The following PTPRD variants were observed in gnomAD, a reference collection of about 807,000 sequenced individuals.
PTPRD encodes the protein protein tyrosine phosphatase receptor type D, also known as receptor-type tyrosine-protein phosphatase delta.
A neutral mutation model predicts 214.5 loss-of-function variants in PTPRD; 34 were observed. The ratio of observed to expected loss-of-function variants is 0.16; its 90% CI spans 0.12 to 0.21. PTPRD has a LOEUF of 0.21. PTPRD is among the 10% of genes least tolerant of loss of function. The probability of loss-of-function intolerance (pLI) is 1.00; values close to 1 mark genes in which losing one functional copy is unlikely to be tolerated. For missense variants in PTPRD, 2,545 were observed against 2,398.7 expected (o/e 1.06, Z -1.27); for synonymous variants, 1,128 against 845.7 (o/e 1.33, Z -5.79).
intron 8 of PTPRD, among the ~76,000 whole-genome samples, chr9:9,514,213 C>G (rs1031973900): frequency 3.3e-5 from 5 of 152,030 alleles, no homozygotes; most frequent in African/African-American, 1.2e-4. Context: ...AAATTTCCCT[C>G]CTGGTTAGGG....
chr9:9,010,671 G>GGA (rs71308860), intron 11 of PTPRD, among the ~76,000 whole-genome samples: 31,489 of 152,052 alleles, frequency 0.21, 3,592 homozygotes, highest in East Asian at 0.3. Flanking sequence ...GCCAAAGTGT[G>GGA]GAAGTTGCTT....
chr9:8,839,295 G>C (rs9918963), intron 11 of PTPRD, among the ~76,000 whole-genome samples: 41 of 143,252 alleles, frequency 2.9e-4, no homozygotes, highest in Non-Finnish European at 1.0e-4. Flanking sequence ...GATTGACCAA[G>C]GGGATTTTAT....
chr9:9,586,657 C>T (rs114654451), intron 7 of PTPRD, among the ~76,000 whole-genome samples: 1,554 of 152,022 alleles, frequency 0.01, 15 homozygotes, highest in African/African-American at 0.027. Flanking sequence ...ACTCACTTTT[C>T]GCTACCATTT....
chr9:10,354,384 A>G (rs909056753), intron 2 of PTPRD, among the ~76,000 whole-genome samples: 9 of 152,190 alleles, frequency 5.9e-5, no homozygotes, highest in Non-Finnish European at 1.2e-4. Context: ...GACTGTTAAA[A>G]GGCTAAGAGA....
intron 8 of PTPRD, among the ~76,000 whole-genome samples, chr9:9,532,271 G>A (rs930051734): frequency 3.9e-5 from 6 of 151,986 alleles, no homozygotes; most frequent in Non-Finnish European, 7.4e-5. Context: ...TTATATGAGG[G>A]TAGAAACTGT....
intron 11 of PTPRD, among the ~76,000 whole-genome samples, chr9:8,830,319 G>C (rs1221593404): frequency 6.6e-6 from 1 of 152,002 alleles, no homozygotes; most frequent in Non-Finnish European, 1.5e-5. Context: ...AATTTGCAAA[G>C]ATTATTTTGA....
At position 8,733,809 on chromosome 9, in the gene PTPRD, A is replaced by T. The variant is rs1395769745; in HGVS notation, c.35T>A (p.Leu12His). ...VHVARLLLLL[L>H]TFFLRTDAET... ...AGCATCCGTGCGGAGGAAGAAAGTG[A>T]GGAGCAGCAGCAGCAGCCTGGCTAC... The change falls in exon 12 of 46, where the codon CTC becomes CAC. Residue 12 changes from leucine to histidine, a missense_variant. Transcript: ENST00000381196. The T allele has an allele frequency of 6.4e-7, 1 of 1,552,924 alleles. No homozygotes were observed. The highest frequency in any genetic ancestry group is 1.2e-5 in the South Asian group (1 of 84,128).
intron 9 of PTPRD, among the ~76,000 whole-genome samples, chr9:9,293,073 G>C (rs1951737413): frequency 6.6e-6 from 1 of 151,458 alleles, no homozygotes; most frequent in South Asian, 2.1e-4. Flanking sequence ...GTACACGTTG[G>C]AAAGAAGTTA....
At position 8,501,035 on chromosome 9, in the gene PTPRD, A is replaced by C; in HGVS notation, c.1847T>G (p.Ile616Ser). The C allele has an allele frequency of 6.2e-7, 1 of 1,613,832 alleles. No individual in the cohort carries two copies. Among genetic ancestry groups the C allele is most frequent in the Non-Finnish European group, 8.5e-7 (1 of 1,179,812 alleles). The change falls in exon 24 of 46, where the codon ATT (isoleucine) becomes AGT (serine). Residue 616 changes from isoleucine to serine, a missense_variant. Physicochemically the swap from Ile to Ser is moderately radical, Grantham distance 142 (BLOSUM62 -2). Coordinates refer to ENST00000381196, the MANE Select transcript of PTPRD (RefSeq NM_002839.4). ...QSKPSAPPQD[I>S]SCTSPSSTSI... ...AGTGGAACTTGGGCTGGTGCAACTA[A>C]TGTCTTGAGGAGGAGCTGACGGCTC...
chr9:8,519,303 C>G (rs1417433298), intron 20 of PTPRD, among the ~76,000 whole-genome samples: 1 of 152,058 alleles, frequency 6.6e-6, no homozygotes, highest in Non-Finnish European at 1.5e-5. Flanking sequence ...TTTTAGAGGT[C>G]TAATTCTTTC....
At chr9:8,885,767 G>A (rs2098482475) in intron 11 of PTPRD, among the ~76,000 whole-genome samples, 2 of 151,944 alleles carry the variant, frequency 1.3e-5, no homozygotes, top group African/African-American at 4.8e-5. Context: ...AATGTGCTGG[G>A]ATTATCAGCG....
At chr9:9,215,276 G>A (rs2099951413) in intron 9 of PTPRD, among the ~76,000 whole-genome samples, 1 of 152,132 alleles carries the variant, frequency 6.6e-6, no homozygotes, top group Admixed American at 6.6e-5. Context: ...CCCAGGTTAT[G>A]CAATGGAGCA....
intron 2 of PTPRD, among the ~76,000 whole-genome samples, chr9:10,609,864 G>A (rs1264306195): frequency 6.6e-6 from 1 of 152,012 alleles, no homozygotes; most frequent in Non-Finnish European, 1.5e-5. Context: ...ACAAGAGTAG[G>A]CTTGTAAATT....
chr9:9,962,094 T>C (rs562582657), intron 4 of PTPRD, among the ~76,000 whole-genome samples: 10 of 152,104 alleles, frequency 6.6e-5, no homozygotes, highest in Non-Finnish European at 1.5e-4. Flanking sequence ...ACATCCTGGG[T>C]CTTGCTTCTG....
At chr9:10,093,324 G>A (rs1019870687) in intron 3 of PTPRD, among the ~76,000 whole-genome samples, 3 of 151,116 alleles carry the variant, frequency 2.0e-5, no homozygotes, top group African/African-American at 7.3e-5. Context: ...CATACAAATG[G>A]CCAACAAACA....
chr9:9,006,113 C>A (rs966379721), intron 11 of PTPRD, among the ~76,000 whole-genome samples: 2 of 151,864 alleles, frequency 1.3e-5, no homozygotes, highest in African/African-American at 4.8e-5. Flanking sequence ...AAGCACAGTG[C>A]AACTGATTCA....
chr9:8,506,699 G>C (rs912882331), intron 22 of PTPRD, among the ~76,000 whole-genome samples: 4 of 152,186 alleles, frequency 2.6e-5, no homozygotes, highest in African/African-American at 4.8e-5. Flanking sequence ...CCATTAATGA[G>C]TTAATTATAT....
At position 8,317,048 on chromosome 9, in the gene PTPRD, A is replaced by ATTATC. The variant is rs1285169797; in HGVS notation, c.*821_*825dup. Reference sequence around the variant, plus strand: ...ATTCCAAAAACAAAACAAAATAATAATTATCTTTGATTATTTGAAGAGAAT... The same window carrying ATTATC: ...ATTCCAAAAACAAAACAAAATAATAATTATCTTATCTTTGATTATTTGAAGAGAAT... On this transcript the variant is annotated 3_prime_UTR_variant, in exon 46 of 46. Transcript: ENST00000381196. The ATTATC allele has an allele frequency of 8.6e-6, 2 of 231,694 alleles. No homozygotes were observed. The highest frequency in any genetic ancestry group is 1.7e-5 in the Non-Finnish European group (2 of 116,856). 14.4% of individuals were successfully genotyped at this position (231,694 alleles called of 1,614,324 possible). A position where few individuals can be genotyped will look rare whatever the true frequency, so the allele number is the denominator to read the frequency against.
At chr9:8,985,049 T>C (rs1664021527) in intron 11 of PTPRD, among the ~76,000 whole-genome samples, 1 of 152,148 alleles carries the variant, frequency 6.6e-6, no homozygotes, top group Non-Finnish European at 1.5e-5. Context: ...ATTTTTAGAA[T>C]CTAGTTCAAT....
Sources: gnomAD v4.1 joint callset for allele counts (sites outside exome capture counted in the v4.1 genomes callset) on GRCh38, gnomAD v4.1.1 for gene constraint, MANE v1.5 for transcripts, NCBI Gene and HGNC (gene_info 2026-07-23, HGNC 2026-07-21) for gene names.